The following PLCXD3 variants were observed in gnomAD, a reference collection of about 807,000 sequenced individuals.
PLCXD3 encodes phosphatidylinositol specific phospholipase C X domain containing 3.
Under a neutral mutation model 25.5 loss-of-function variants are expected in PLCXD3, and 19 were observed. That is an observed-to-expected ratio of 0.75 (90% CI 0.52 to 1.09). The LOEUF (loss-of-function observed/expected upper bound fraction) is 1.09. Ranked by LOEUF, PLCXD3 falls within the 50% of genes least tolerant of loss-of-function variation. The probability of loss-of-function intolerance (pLI) is 0.00; values close to 1 mark genes in which losing one functional copy is unlikely to be tolerated. For missense variants in PLCXD3, 411 were observed against 388.1 expected (o/e 1.06, Z -0.50); for synonymous variants, 174 against 137.6 (o/e 1.26, Z -1.85).
intron 1 of PLCXD3, among the ~76,000 whole-genome samples, chr5:41,386,281 C>CT (rs1462230069): frequency 6.6e-6 from 1 of 152,064 alleles, no homozygotes; most frequent in Admixed American, 6.6e-5. Context: ...CACAAATGGA[C>CT]TTTCTTTTTT....
chr5:41,397,527 T>C (rs1746045335), intron 1 of PLCXD3, among the ~76,000 whole-genome samples: 1 of 152,054 alleles, frequency 6.6e-6, no homozygotes. Context: ...TACAGGATAA[T>C]CTGTATGAGG....
At chr5:41,408,003 G>C (rs1241324297) in intron 1 of PLCXD3, among the ~76,000 whole-genome samples, 1 of 152,122 alleles carries the variant, frequency 6.6e-6, no homozygotes, top group East Asian at 1.9e-4. Context: ...GAGAAGTTCA[G>C]TATTCATCAC....
chr5:41,432,451 G>A (rs1041412162), intron 1 of PLCXD3, among the ~76,000 whole-genome samples: 5 of 145,750 alleles, frequency 3.4e-5, no homozygotes, highest in South Asian at 2.1e-4. Flanking sequence ...GTGGATGGGG[G>A]GATGGAGAAG....
chr5:41,468,704 T>C (rs1748081099), intron 1 of PLCXD3, among the ~76,000 whole-genome samples: 1 of 152,192 alleles, frequency 6.6e-6, no homozygotes, highest in Admixed American at 6.5e-5. Context: ...GCTATTTAGT[T>C]TTCTATGTTG....
chr5:41,428,883 G>A (rs1410982289), intron 1 of PLCXD3, among the ~76,000 whole-genome samples: 1 of 152,090 alleles, frequency 6.6e-6, no homozygotes, highest in African/African-American at 2.4e-5. Flanking sequence ...AAATAAATGG[G>A]ATGAGGTAAA....
chr5:41,342,386 A>T (rs1346193377), intron 2 of PLCXD3, among the ~76,000 whole-genome samples: 1 of 152,184 alleles, frequency 6.6e-6, no homozygotes. Flanking sequence ...ATATATATTC[A>T]GGAAATAGTA....
chr5:41,344,120 A>G (rs779720439), intron 2 of PLCXD3, among the ~76,000 whole-genome samples: 4 of 152,154 alleles, frequency 2.6e-5, no homozygotes, highest in African/African-American at 9.6e-5. Context: ...ACGATTTCAG[A>G]TGGACTTCTA....
intron 1 of PLCXD3, among the ~76,000 whole-genome samples, chr5:41,440,000 G>T (rs545371238): frequency 2.8e-4 from 43 of 152,210 alleles, no homozygotes; most frequent in Non-Finnish European, 5.7e-4. Context: ...GAAATGGAAA[G>T]AAGTCAGTTG....
rs115171505 is a variant in PLCXD3, at chr5:41,327,890, C to T, written c.813-14120G>A. On this transcript the variant is annotated intron_variant, in intron 2 of 2. Coordinates refer to ENST00000377801, the MANE Select transcript of PLCXD3 (RefSeq NM_001005473.3). ...GCATAGTCATAGCTCACTGTAACCT[C>T]GAACTCCCGGACTCAAGCGATCCTC... is the stretch of plus-strand genomic sequence containing the variant. Among the ~76,000 whole-genome samples the T allele has an allele frequency of 8.8e-3, 1,332 of 152,212 alleles. 20 individuals are homozygous for T. The highest frequency in any genetic ancestry group is 0.031 in the African/African-American group (1,279 of 41,524).
At chr5:41,473,344 C>A (rs1172452756) in intron 1 of PLCXD3, among the ~76,000 whole-genome samples, 1 of 152,106 alleles carries the variant, frequency 6.6e-6, no homozygotes, top group African/African-American at 2.4e-5. Context: ...AAAGTGATAG[C>A]ACATGTATAT....
chr5:41,360,251 C>T (rs1744734530), intron 2 of PLCXD3, among the ~76,000 whole-genome samples: 1 of 152,004 alleles, frequency 6.6e-6, no homozygotes, highest in South Asian at 2.1e-4. Flanking sequence ...TATCCTGTAT[C>T]AGGATATGAT....
At chr5:41,484,519 T>C (rs1011294879) in intron 1 of PLCXD3, among the ~76,000 whole-genome samples, 8 of 152,122 alleles carry the variant, frequency 5.3e-5, no homozygotes, top group African/African-American at 1.9e-4. Flanking sequence ...CCCTATTACA[T>C]TGCTTAAATG....
chr5:41,360,209 G>A (rs956341299), intron 2 of PLCXD3, among the ~76,000 whole-genome samples: 4 of 151,876 alleles, frequency 2.6e-5, no homozygotes, highest in African/African-American at 9.7e-5. Flanking sequence ...TTTTATTTAT[G>A]CTTTCTATTT....
chr5:41,324,759 T>C (rs1462472414), intron 2 of PLCXD3, among the ~76,000 whole-genome samples: 1 of 152,192 alleles, frequency 6.6e-6, no homozygotes, highest in Non-Finnish European at 1.5e-5. Flanking sequence ...TTTGCATATA[T>C]GAGAAGACCA....
rs201130210 is a variant in PLCXD3 at position 41,428,393 on chromosome 5, TG to T, written c.104-45860del. ...AAATGAGTTTTTTTGTTTTTGTTTT[TG>T]TTTTTTTTAGGGTGGGCCCTAATCC... On this transcript the variant is annotated intron_variant, in intron 1 of 2. Transcript: ENST00000377801. Among the ~76,000 whole-genome samples, 60 of 145,874 alleles carry T rather than the reference TG, an allele frequency of 4.1e-4. 10 individuals are homozygous for T. The highest frequency in any genetic ancestry group is 8.8e-4 in the Admixed American group (13 of 14,744).
chr5:41,398,009 T>C (rs1276692302), intron 1 of PLCXD3, among the ~76,000 whole-genome samples: 1 of 152,232 alleles, frequency 6.6e-6, no homozygotes, highest in Admixed American at 6.5e-5. Flanking sequence ...GGAAGGGATT[T>C]ACCTTGTCTC....
chr5:41,439,016 C>A (rs1747319709), intron 1 of PLCXD3, among the ~76,000 whole-genome samples: 1 of 152,152 alleles, frequency 6.6e-6, no homozygotes, highest in Non-Finnish European at 1.5e-5. Context: ...CGGTCTTTAG[C>A]AATCTAAGCA....
chr5:41,492,976 A>G (rs1392241557), intron 1 of PLCXD3, among the ~76,000 whole-genome samples: 1 of 152,232 alleles, frequency 6.6e-6, no homozygotes, highest in Non-Finnish European at 1.5e-5. Flanking sequence ...CTGGTGAGGA[A>G]CTGCGTTCCT....
chr5:41,428,388 G>GTTTTT (rs200452336), intron 1 of PLCXD3, among the ~76,000 whole-genome samples: 1 of 131,478 alleles, frequency 7.6e-6, no homozygotes, highest in African/African-American at 2.8e-5. Flanking sequence ...TTTTGTTTTT[G>GTTTTT]TTTTTGTTTT....
Sources: gnomAD v4.1 joint callset for allele counts (sites outside exome capture counted in the v4.1 genomes callset) on GRCh38, gnomAD v4.1.1 for gene constraint, MANE v1.5 for transcripts, NCBI Gene and HGNC (gene_info 2026-07-23, HGNC 2026-07-21) for gene names.